Variants in CKAP2L observed in about 807,000 individuals in gnomAD.
CKAP2L encodes cytoskeleton-associated protein 2-like.
Under a neutral mutation model 65.7 loss-of-function variants are expected in CKAP2L, and 42 were observed. The ratio of observed to expected loss-of-function variants is 0.64; its 90% confidence interval spans 0.50 to 0.83. CKAP2L has a LOEUF of 0.83. Among genes scored for constraint, CKAP2L ranks in the 40% least tolerant of loss-of-function variants. The pLI is 0.00. For synonymous variants in CKAP2L, 325 were observed against 313.5 expected, an observed-to-expected ratio of 1.04 and a Z score of -0.39; for missense variants, 908 against 871.0, an observed-to-expected ratio of 1.04 and a Z score of -0.53.
At chr2:112,755,883 C>G in intron 4 of CKAP2L, 94 bp downstream of exon 4, 1 of 1,179,114 alleles carries the variant, frequency 8.5e-7, no homozygotes, top group Non-Finnish European at 1.2e-6. Flanking sequence ...ACTTAGGAGC[C>G]ATTATTTATG....
chr2:112,755,148 T>G (rs1036627012), intron 4 of CKAP2L, among the ~76,000 whole-genome samples: 3 of 152,206 alleles, frequency 2.0e-5, no homozygotes, highest in Non-Finnish European at 4.4e-5. Flanking sequence ...TATTTTCTAC[T>G]TCAAGCAGGT....
At position 112,756,620 on chromosome 2, in the gene CKAP2L, T is replaced by C. The variant is rs756783256; in HGVS notation, c.751A>G (p.Ser251Gly). 6.2e-7 allele frequency: 1 copy of C among 1,612,222 alleles called. No individual in the cohort carries two copies. Among genetic ancestry groups the C allele is most frequent in the Non-Finnish European group, 8.5e-7 (1 of 1,179,474 alleles). ...VNKQFVGETQSRTFPVKSQQL... is the reference protein window; with the variant it reads ...VNKQFVGETQGRTFPVKSQQL... ...TGTGATTTTACTGGGAAAGTCCTGC[T>C]TTGTGTTTCTCCAACAAATTGTTTA... The change falls in exon 4 of 9, where the codon AGC (serine) becomes GGC (glycine). Residue 251 changes from serine (S) to glycine (G), a missense_variant. Physicochemically the swap from Ser to Gly is moderately conservative, Grantham distance 56. Transcript: ENST00000302450.
chr2:112,763,501 A>T (rs1380729798), intron 1 of CKAP2L, among the ~76,000 whole-genome samples: 1 of 152,108 alleles, frequency 6.6e-6, no homozygotes, highest in African/African-American at 2.4e-5. Flanking sequence ...TGCCTTCAAG[A>T]ACTTTCAAAC....
At chr2:112,755,557 A>G (rs764796505) in intron 4 of CKAP2L, among the ~76,000 whole-genome samples, 1 of 152,096 alleles carries the variant, frequency 6.6e-6, no homozygotes, top group Non-Finnish European at 1.5e-5. Flanking sequence ...TTCCCTGGTA[A>G]CTTTTCTGAA....
At chr2:112,752,003 T>A (rs751370478) in intron 5 of CKAP2L, among the ~76,000 whole-genome samples, 5 of 152,218 alleles carry the variant, frequency 3.3e-5, no homozygotes, top group Non-Finnish European at 5.9e-5. Context: ...AACTTCTTTG[T>A]GCCTCAGTTT....
intron 4 of CKAP2L, 69 bp from the exon 5 acceptor site, chr2:112,752,543 A>G (rs1680405216): frequency 1.1e-6 from 1 of 874,154 alleles, no homozygotes; most frequent in South Asian, 1.6e-5. Context: ...AAAGTATATG[A>G]TATGTATAGA....
At position 112,736,551 on chromosome 2, in the gene CKAP2L, C is replaced by G. The variant is rs1679199759; in HGVS notation, c.*2272G>C. The stretch of plus-strand genomic sequence containing the variant: ...TATTAACTTTAGCCCTATCTCTAGA[C>G]TTGTTCATTTTATCTGCTATTTTGT... On this transcript the variant is annotated 3_prime_UTR_variant, in exon 9 of 9. Coordinates refer to ENST00000302450, the MANE Select transcript of CKAP2L (RefSeq NM_152515.5). 1 of 152,184 alleles carries G rather than the reference C, an allele frequency of 6.6e-6. No individual in the cohort carries two copies. Among genetic ancestry groups the G allele is most frequent in the South Asian group, 2.1e-4 (1 of 4,830 alleles). 9.4% of individuals were successfully genotyped at this position (152,184 alleles called of 1,614,324 possible).
chr2:112,756,528 G>A lies in CKAP2L; in HGVS notation c.843C>T (p.His281=). ...GAACTTTACTAAGGGTCCGAATAAA[G>A]TGAGAGGGAACCGTCCTTGAGGGTT... is the stretch of plus-strand genomic sequence containing the variant. ...GVKPSRTVPS[H]FIRTLSKVQS... Residue 281 remains histidine (H), a synonymous_variant, in exon 4 of 9, where the codon CAC becomes CAT. Transcript: ENST00000302450. The A allele has an allele frequency of 1.2e-6, 2 of 1,609,428 alleles. No homozygotes were observed. The highest frequency in any genetic ancestry group is 1.7e-6 in the Non-Finnish European group (2 of 1,178,248).
At chr2:112,762,103 C>T (rs770793301) in intron 2 of CKAP2L, among the ~76,000 whole-genome samples, 13 of 152,156 alleles carry the variant, frequency 8.5e-5, no homozygotes, top group Non-Finnish European at 1.3e-4. Flanking sequence ...CACTCTGCTA[C>T]GGAGGATTGA....
At chr2:112,764,234 G>C (rs1243837181) in intron 1 of CKAP2L, 1 of 410,064 alleles carries the variant, frequency 2.4e-6, no homozygotes, top group African/African-American at 2.1e-5. Context: ...ACAGCGCGCA[G>C]CTTCCCACTG....
intron 3 of CKAP2L, among the ~76,000 whole-genome samples, chr2:112,760,507 C>T (rs1019088821): frequency 5.3e-5 from 8 of 152,146 alleles, no homozygotes; most frequent in African/African-American, 1.9e-4. Context: ...TCACTTGAGG[C>T]TTTTCTTGGT....
At chr2:112,762,010 C>T (rs1457045783) in intron 2 of CKAP2L, among the ~76,000 whole-genome samples, 1 of 152,114 alleles carries the variant, frequency 6.6e-6, no homozygotes, top group African/African-American at 2.4e-5. Context: ...TGGTAAGAAT[C>T]TACAAAGGAT....
Position 112,740,800 on chromosome 2 carries a change from G to C in CKAP2L, c.2012+18C>G, listed in dbSNP as rs1358272934. 2 of 1,587,184 alleles carry C rather than the reference G, an allele frequency of 1.3e-6. No homozygotes were observed. Among genetic ancestry groups the C allele is most frequent in the African/African-American group, 2.7e-5 (2 of 74,412 alleles). ...AATTAAGTCTGTGAACACAAAGTCT[G>C]CTTTAGAGTTTGCTTACCTAGGGAT... On this transcript the variant is annotated intron_variant, in intron 8 of 8. Transcript: ENST00000302450.
intron 3 of CKAP2L, 37 bp downstream of exon 3, chr2:112,760,676 T>G (rs748445527): frequency 1.0e-6 from 1 of 995,410 alleles, no homozygotes; most frequent in Non-Finnish European, 1.5e-6. Context: ...ATCATACTTA[T>G]GAATGCATAT....
At chr2:112,762,860 T>C (rs1435636730) in intron 1 of CKAP2L, among the ~76,000 whole-genome samples, 3 of 151,904 alleles carry the variant, frequency 2.0e-5, no homozygotes, top group Non-Finnish European at 4.4e-5. Context: ...CACGGCTCAC[T>C]GTTGACTTGA....
At chr2:112,747,469 C>T (rs1334203699) in intron 5 of CKAP2L, among the ~76,000 whole-genome samples, 1 of 152,134 alleles carries the variant, frequency 6.6e-6, no homozygotes, top group Non-Finnish European at 1.5e-5. Context: ...TAAAGAATGA[C>T]ACAGGCATGC....
rs746794670 is a variant in CKAP2L, at chr2:112,749,050, TAGC to T, written c.1603-2478_1603-2476del. On this transcript the variant is annotated intron_variant, in intron 5 of 8. Coordinates refer to ENST00000302450, the MANE Select transcript of CKAP2L (RefSeq NM_152515.5). ...ATGTAAGCTGAATTACAAAATAAAA[TAGC>T]AGGCATAAGTTTAAACATACAAGTA... Among the ~76,000 whole-genome samples, 55 of 152,244 alleles carry T rather than the reference TAGC, an allele frequency of 3.6e-4. 1 individual carries two copies. Among genetic ancestry groups the T allele is most frequent in the Non-Finnish European group, 6.0e-4 (41 of 67,998 alleles).
At chr2:112,762,624 G>T in intron 1 of CKAP2L, 55 bp from the exon 2 acceptor site, 2 of 1,385,508 alleles carry the variant, frequency 1.4e-6, no homozygotes, top group Non-Finnish European at 2.1e-6. Context: ...ATTTTAACCA[G>T]TTCATTAATA....
At chr2:112,760,983 T>A (rs1009128244) in intron 2 of CKAP2L, among the ~76,000 whole-genome samples, 1 of 152,172 alleles carries the variant, frequency 6.6e-6, no homozygotes, top group Admixed American at 6.5e-5. Flanking sequence ...ACTCTTTTTT[T>A]TTTTGCCTTG....
Sources: allele counts gnomAD v4.1 joint callset (sites outside exome capture counted in the v4.1 genomes callset), GRCh38; gene constraint gnomAD v4.1.1; transcripts MANE v1.5; gene names NCBI Gene and HGNC (gene_info 2026-07-23, HGNC 2026-07-21).